Variants in WDTC1 observed in about 807,000 individuals in gnomAD.
WDTC1 encodes WD and tetratricopeptide repeats protein 1.
A neutral mutation model predicts 76.0 loss-of-function variants in WDTC1; 12 were observed. The ratio of observed to expected loss-of-function variants is 0.16; its 90% confidence interval spans 0.10 to 0.26. WDTC1 has a LOEUF of 0.26. Among genes scored for constraint, WDTC1 ranks in the 10% least tolerant of loss-of-function variants. WDTC1 has a pLI of 1.00. For missense variants in WDTC1, 511 were observed against 908.8 expected (o/e 0.56, Z 5.63); for synonymous variants, 326 against 350.8 (o/e 0.93, Z 0.79).
Position 27,306,482 on chromosome 1 carries a change from CT to C in WDTC1, c.*107del. 4.3e-5 allele frequency: 59 copies of C among 1,371,202 alleles called. No homozygotes were observed. Among genetic ancestry groups the C allele is most frequent in the Non-Finnish European group, 5.3e-5 (55 of 1,029,356 alleles). 84.9% of individuals were successfully genotyped at this position (1,371,202 alleles called of 1,614,324 possible). On this transcript the variant is annotated 3_prime_UTR_variant, in exon 16 of 16. Coordinates refer to ENST00000319394, the MANE Select transcript of WDTC1 (RefSeq NM_001276252.2). The surrounding 1 kb of genome is among the most constrained non-coding windows in gnomAD (Gnocchi z 5.0). ...GTTTTGGTTTGTCTTCCCCACCACC[CT>C]TTTTTTTCATTTCCCCTGTTTTGTT...
At chr1:27,242,704 G>C (rs2147901908) in intron 1 of WDTC1, among the ~76,000 whole-genome samples, 1 of 152,134 alleles carries the variant, frequency 6.6e-6, no homozygotes, top group Non-Finnish European at 1.5e-5. Context: ...CCTGACCTCA[G>C]GTGATTCACC....
chr1:27,288,798 C>T (rs1163682977), intron 6 of WDTC1, among the ~76,000 whole-genome samples: 1 of 152,076 alleles, frequency 6.6e-6, no homozygotes, highest in African/African-American at 2.4e-5. Flanking sequence ...CTTTTCCCCA[C>T]CTTTCCCCCC....
chr1:27,252,229 C>T (rs1447031218), intron 1 of WDTC1, among the ~76,000 whole-genome samples: 1 of 151,732 alleles, frequency 6.6e-6, no homozygotes, highest in Non-Finnish European at 1.5e-5. Flanking sequence ...CACATGTGGT[C>T]CCAGCTACTC....
intron 1 of WDTC1, among the ~76,000 whole-genome samples, chr1:27,258,532 A>AAAG (rs2012361047): frequency 6.6e-6 from 1 of 151,190 alleles, no homozygotes; most frequent in Non-Finnish European, 1.5e-5. Context: ...ACTCTGCCAA[A>AAAG]AAAAAAAAAG....
intron 3 of WDTC1, among the ~76,000 whole-genome samples, chr1:27,270,108 G>GA (rs2012823584): frequency 6.6e-6 from 1 of 152,008 alleles, no homozygotes; most frequent in South Asian, 2.1e-4. Context: ...CAGCTAGTTA[G>GA]AAACAGGGTT....
intron 2 of WDTC1, among the ~76,000 whole-genome samples, chr1:27,262,115 G>C (rs2012495773): frequency 6.6e-6 from 1 of 151,790 alleles, no homozygotes; most frequent in Non-Finnish European, 1.5e-5. Flanking sequence ...ATTTTTAGTA[G>C]AGACGGGGTT....
chr1:27,245,155 G>A (rs568613413), intron 1 of WDTC1, among the ~76,000 whole-genome samples: 113 of 151,834 alleles, frequency 7.4e-4, no homozygotes, highest in Non-Finnish European at 1.4e-3. Context: ...CTTGTTAAAT[G>A]GGGATTATTA....
chr1:27,287,547 C>T (rs1557500769), intron 5 of WDTC1, 127 bp from the exon 6 acceptor site: 5 of 1,117,170 alleles, frequency 4.5e-6, no homozygotes, highest in Non-Finnish European at 3.8e-6. Context: ...CCACCGCGCC[C>T]AGCCTGCATG....
chr1:27,252,002 C>T (rs375284507), intron 1 of WDTC1, among the ~76,000 whole-genome samples: 1 of 151,644 alleles, frequency 6.6e-6, no homozygotes, highest in Non-Finnish European at 1.5e-5. Flanking sequence ...GAGCCAAGAT[C>T]GCGCCACTGC....
chr1:27,258,027 G>A (rs994411001), intron 1 of WDTC1, among the ~76,000 whole-genome samples: 10 of 151,798 alleles, frequency 6.6e-5, no homozygotes, highest in Non-Finnish European at 1.3e-4. Context: ...CTGACCTCGT[G>A]ATCCGCCCGC....
chr1:27,286,934 A>G (rs1053175253), intron 5 of WDTC1, among the ~76,000 whole-genome samples: 2 of 151,772 alleles, frequency 1.3e-5, no homozygotes, highest in Admixed American at 1.3e-4. Context: ...AGGCCAAGGC[A>G]GGTGGATCAC....
chr1:27,246,310 G>C (rs891906772), intron 1 of WDTC1, among the ~76,000 whole-genome samples: 4 of 152,138 alleles, frequency 2.6e-5, no homozygotes, highest in Non-Finnish European at 5.9e-5. Flanking sequence ...CACATAAATA[G>C]AACCATACGA....
At chr1:27,273,051 G>T (rs2012915438) in intron 3 of WDTC1, among the ~76,000 whole-genome samples, 1 of 152,140 alleles carries the variant, frequency 6.6e-6, no homozygotes, top group Non-Finnish European at 1.5e-5. Context: ...TTAAAAGGAA[G>T]CAGGGATCCT....
intron 1 of WDTC1, among the ~76,000 whole-genome samples, chr1:27,243,198 ATTTTTTTT>A (rs10714028): frequency 5.3e-4 from 32 of 60,274 alleles, no homozygotes; most frequent in African/African-American, 9.9e-4. Flanking sequence ...CTGGCCAGTA[ATTTTTTTT>A]TTTTTTTTTT....
chr1:27,273,834 T>C (rs2012944802), intron 3 of WDTC1, among the ~76,000 whole-genome samples: 1 of 151,858 alleles, frequency 6.6e-6, no homozygotes, highest in African/African-American at 2.4e-5. Flanking sequence ...TGTGTGTGTG[T>C]GTGTGTGCGT....
chr1:27,263,440 A>AT (rs202074049), intron 3 of WDTC1, among the ~76,000 whole-genome samples: 1,908 of 152,064 alleles, frequency 0.013, 22 homozygotes, highest in East Asian at 0.024. Context: ...TTTTTATTTT[A>AT]TTTTATTTTT....
intron 14 of WDTC1, chr1:27,304,101 T>C (rs1282326524): frequency 3.0e-6 from 1 of 331,256 alleles, no homozygotes; most frequent in Non-Finnish European, 5.5e-6. Flanking sequence ...GTGCCAGAGC[T>C]TGGTTTCTTT....
intron 1 of WDTC1, among the ~76,000 whole-genome samples, chr1:27,242,506 G>C (rs1190994778): frequency 6.6e-6 from 1 of 151,606 alleles, no homozygotes; most frequent in African/African-American, 2.4e-5. Flanking sequence ...TTTCGCTCCT[G>C]TCGCCCAGGC....
chr1:27,250,989 CCTGAGTAG>C (rs1039930432), intron 1 of WDTC1, among the ~76,000 whole-genome samples: 24 of 145,476 alleles, frequency 1.6e-4, no homozygotes, highest in African/African-American at 5.3e-4. Context: ...GCCTCAGCCT[CCTGAGTAG>C]CTGGGATTAC....
Sources: allele counts gnomAD v4.1 joint callset (sites outside exome capture counted in the v4.1 genomes callset), GRCh38; gene constraint gnomAD v4.1.1; non-coding constraint Gnocchi (gnomAD v3.1); transcripts MANE v1.5; gene names NCBI Gene and HGNC (gene_info 2026-07-23, HGNC 2026-07-21).